BACH2: variants seen among roughly 807,000 people sequenced by gnomAD.
BACH2 encodes the protein transcription regulator protein BACH2.
In BACH2, 5 loss-of-function variants were observed where a neutral mutation model predicts 61.8. The observed-to-expected ratio is 0.08, with a 90% CI of 0.04 to 0.17. The LOEUF is 0.17. Among genes scored for constraint, BACH2 ranks in the 10% least tolerant of loss-of-function variants. The pLI is 1.00. For missense variants in BACH2, 824 were observed against 1,091.1 expected, an observed-to-expected ratio of 0.76 and a Z score of 3.45; for synonymous variants, 446 against 440.1, an observed-to-expected ratio of 1.01 and a Z score of -0.17.
chr6:90,251,926 G>A lies in BACH2; in HGVS notation c.-275+587C>T, dbSNP rs528435347. On this transcript the variant is annotated intron_variant, in intron 3 of 8. Coordinates refer to ENST00000257749, the MANE Select transcript of BACH2 (RefSeq NM_021813.4). ...CTTTCTGAGTTGTTTTTCCAGGGGT[G>A]GGAAAGTTCAATCCACAGATTTCAA... Among the ~76,000 whole-genome samples the A allele has an allele frequency of 9.2e-5, 14 of 152,240 alleles. No individual in the cohort carries two copies. The East Asian group carries it at 2.7e-3, about 29-fold the overall frequency.
intron 4 of BACH2, among the ~76,000 whole-genome samples, chr6:90,106,530 T>C (rs982907309): frequency 1.3e-5 from 2 of 152,238 alleles, no homozygotes; most frequent in African/African-American, 4.8e-5. Flanking sequence ...TGCAGTAGGC[T>C]ATACCATCTA....
intron 6 of BACH2, among the ~76,000 whole-genome samples, chr6:89,956,251 A>G (rs1774419357): frequency 6.6e-6 from 1 of 152,182 alleles, no homozygotes; most frequent in African/African-American, 2.4e-5. Context: ...GATACAGATG[A>G]GATGGGATCA....
At position 89,950,831 on chromosome 6, in the gene BACH2, C is replaced by G; in HGVS notation, c.1275G>C (p.Glu425Asp). 1 of 1,613,952 alleles carries G rather than the reference C, an allele frequency of 6.2e-7. No individual in the cohort carries two copies. Among genetic ancestry groups the G allele is most frequent in the African/African-American group, 1.3e-5 (1 of 75,056 alleles). Residue 425 changes from glutamate (E) to aspartate (D), a missense_variant, in exon 7 of 9, where the codon GAG becomes GAC. Physicochemically the swap from Glu to Asp is conservative, Grantham distance 45 (BLOSUM62 2). This residue lies in a region of BACH2 where 9 missense variants were observed against 27.6 expected (regional missense o/e 0.33). Coordinates refer to ENST00000257749, the MANE Select transcript of BACH2 (RefSeq NM_021813.4). This position sits in a 1 kb window ranked among gnomAD's most constrained non-coding sequence, Gnocchi z 5.3. Reference protein sequence around the residue: ...GLEALCKQEGELDRRSVIFSS... With the variant: ...GLEALCKQEGDLDRRSVIFSS... ...AGAAGATCACGCTCCTCCGGTCCAG[C>G]TCTCCCTCCTGTTTACAGAGAGCCT...
At chr6:90,282,120 T>C (rs1771874848) in intron 1 of BACH2, among the ~76,000 whole-genome samples, 1 of 152,244 alleles carries the variant, frequency 6.6e-6, no homozygotes, top group East Asian at 1.9e-4. Context: ...CTTCCAGTTT[T>C]TTGCTCTTAT....
chr6:90,287,945 A>C (rs560183952), intron 1 of BACH2, among the ~76,000 whole-genome samples: 56 of 152,318 alleles, frequency 3.7e-4, no homozygotes, highest in African/African-American at 1.3e-3. Context: ...GCCAAAAGGT[A>C]AGAGAGCATG....
At chr6:90,141,308 G>A (rs1242422603) in intron 4 of BACH2, among the ~76,000 whole-genome samples, 2 of 152,088 alleles carry the variant, frequency 1.3e-5, no homozygotes, top group East Asian at 1.9e-4. Context: ...AGCCTCCTGA[G>A]TAGCTGGGAT....
chr6:90,240,985 T>C (rs1333998015), intron 3 of BACH2, among the ~76,000 whole-genome samples: 1 of 151,826 alleles, frequency 6.6e-6, no homozygotes, highest in African/African-American at 2.4e-5. Flanking sequence ...ATAGAAAAAA[T>C]TAGCCAGGCG....
At chr6:90,217,570 G>A (rs1462760924) in intron 3 of BACH2, among the ~76,000 whole-genome samples, 1 of 151,936 alleles carries the variant, frequency 6.6e-6, no homozygotes, top group Admixed American at 6.5e-5. Context: ...TCTCATCCAC[G>A]CGGCATATTT....
chr6:90,049,398 T>A (rs1779931769), intron 5 of BACH2, among the ~76,000 whole-genome samples: 1 of 152,192 alleles, frequency 6.6e-6, no homozygotes, highest in Admixed American at 6.5e-5. Context: ...ACATTTAAAC[T>A]GAGATCTCAA....
At chr6:89,959,350 A>G (rs1774613444) in intron 6 of BACH2, among the ~76,000 whole-genome samples, 1 of 152,138 alleles carries the variant, frequency 6.6e-6, no homozygotes, top group Non-Finnish European at 1.5e-5. Flanking sequence ...TCGAATCCCC[A>G]TGATAGAGAG....
At chr6:90,268,584 T>C (rs1562534798) in intron 2 of BACH2, among the ~76,000 whole-genome samples, 1 of 152,236 alleles carries the variant, frequency 6.6e-6, no homozygotes, top group East Asian at 1.9e-4. Flanking sequence ...ATCAGGCTTA[T>C]GTTTTTAGTT....
rs1772640635 is a variant in BACH2, at chr6:89,931,536, C to T, written c.*872G>A. 6.6e-6 allele frequency: 1 copy of T among 152,504 alleles called. No individual in the cohort carries two copies. The highest frequency in any genetic ancestry group is 2.4e-5 in the African/African-American group (1 of 41,390). 9.4% of individuals were successfully genotyped at this position (152,504 alleles called of 1,614,324 possible). ...ACTTCATTTAAGAAAATAGGTTTGA[C>T]CCAAAACTCAGTGCAAGTGGCAAAG... On this transcript the variant is annotated 3_prime_UTR_variant, in exon 9 of 9. Transcript: ENST00000257749.
chr6:90,278,552 T>C (rs887823963), intron 1 of BACH2, among the ~76,000 whole-genome samples: 9 of 152,254 alleles, frequency 5.9e-5, no homozygotes, highest in African/African-American at 2.2e-4. Context: ...GCTTCCCCAG[T>C]AGACTATATG....
At chr6:89,943,467 T>C (rs560647468) in intron 7 of BACH2, among the ~76,000 whole-genome samples, 4 of 151,914 alleles carry the variant, frequency 2.6e-5, no homozygotes, top group African/African-American at 9.6e-5. Flanking sequence ...TTACATATTA[T>C]ATAAATATAG....
At chr6:90,083,948 C>T (rs1195374145) in intron 5 of BACH2, among the ~76,000 whole-genome samples, 1 of 152,142 alleles carries the variant, frequency 6.6e-6, no homozygotes, top group East Asian at 1.9e-4. Flanking sequence ...TATAAAACAT[C>T]TAACCATTCT....
At chr6:90,234,721 T>G (rs78418750) in intron 3 of BACH2, among the ~76,000 whole-genome samples, 9,058 of 152,130 alleles carry the variant, frequency 0.06, 346 homozygotes, top group Admixed American at 0.1. Context: ...AGAACCAGAA[T>G]GGAATAAAGA....
intron 1 of BACH2, among the ~76,000 whole-genome samples, chr6:90,290,592 T>C (rs1243669248): frequency 6.6e-6 from 1 of 152,180 alleles, no homozygotes; most frequent in Non-Finnish European, 1.5e-5. Context: ...TTGCCAAAAA[T>C]CTATGGATAC....
chr6:90,221,359 G>A (rs1769728239), intron 3 of BACH2, among the ~76,000 whole-genome samples: 1 of 152,130 alleles, frequency 6.6e-6, no homozygotes, highest in South Asian at 2.1e-4. Context: ...AGGCTGAAAG[G>A]TCCAGTCCTA....
At chr6:90,246,208 C>CCCT (rs1440480949) in intron 3 of BACH2, among the ~76,000 whole-genome samples, 4 of 152,134 alleles carry the variant, frequency 2.6e-5, no homozygotes, top group African/African-American at 9.7e-5. Context: ...GCCTCTACTA[C>CCCT]ACTCCCTTGA....
Sources: allele counts gnomAD v4.1 joint callset (sites outside exome capture counted in the v4.1 genomes callset), GRCh38; gene constraint gnomAD v4.1.1; regional missense constraint gnomAD v4.1.1; non-coding constraint Gnocchi (gnomAD v3.1); transcripts MANE v1.5; gene names NCBI Gene and HGNC (gene_info 2026-07-23, HGNC 2026-07-21).